The following NR2C2 variants were observed in gnomAD, a reference collection of about 807,000 sequenced individuals.
The protein encoded by NR2C2 is nuclear receptor subfamily 2 group C member 2.
A neutral mutation model predicts 62.9 loss-of-function variants in NR2C2; 6 were observed. The observed-to-expected ratio is 0.10, with a 90% CI of 0.05 to 0.19. The LOEUF (loss-of-function observed/expected upper bound fraction) is 0.19. NR2C2 is among the 10% of genes least tolerant of loss of function. The pLI is 1.00. For missense variants in NR2C2, 479 were observed against 762.7 expected (o/e 0.63, Z 4.38); for synonymous variants, 272 against 273.8 (o/e 0.99, Z 0.07).
At chr3:15,004,732 C>T in intron 2 of NR2C2, 2 of 1,224,968 alleles carry the variant, frequency 1.6e-6, no homozygotes, top group South Asian at 3.3e-5. Context: ...GTTGATTTCT[C>T]TGTTTTTCTT....
At chr3:14,979,652 TG>T (rs563707880) in intron 1 of NR2C2, among the ~76,000 whole-genome samples, 145 of 151,028 alleles carry the variant, frequency 9.6e-4, no homozygotes, top group Admixed American at 1.8e-3. Flanking sequence ...GTTACAGAGG[TG>T]GGGAACACTC....
chr3:14,999,222 A>G (rs941233943), intron 1 of NR2C2, among the ~76,000 whole-genome samples: 2 of 152,216 alleles, frequency 1.3e-5, no homozygotes, highest in Non-Finnish European at 2.9e-5. Context: ...AGGCTGAAGC[A>G]GGAGAATCAC....
chr3:14,975,517 T>C (rs937737445), intron 1 of NR2C2, among the ~76,000 whole-genome samples: 5 of 152,240 alleles, frequency 3.3e-5, no homozygotes, highest in Admixed American at 2.0e-4. Context: ...GTACGTTACA[T>C]TGATCAGTTT....
chr3:15,008,926 A>G (rs961877113), intron 2 of NR2C2, among the ~76,000 whole-genome samples: 1 of 152,198 alleles, frequency 6.6e-6, no homozygotes, highest in Non-Finnish European at 1.5e-5. Context: ...TGACTATAAT[A>G]AATATGGTAC....
At chr3:15,001,318 G>GTTTTTTTTTTTTTTTTT (rs61017075) in intron 1 of NR2C2, among the ~76,000 whole-genome samples, 3 of 97,484 alleles carry the variant, frequency 3.1e-5, no homozygotes, top group Non-Finnish European at 4.1e-5. Context: ...TTTGTTTTGG[G>GTTTTTTTTTTTTTTTTT]TTTTTTTTTT....
chr3:14,978,044 A>G (rs1418609131), intron 1 of NR2C2, among the ~76,000 whole-genome samples: 1 of 152,128 alleles, frequency 6.6e-6, no homozygotes, highest in Non-Finnish European at 1.5e-5. Context: ...TGGGTGACAC[A>G]AGAAATAAAA....
In NR2C2 at chr3:15,023,187, G is replaced by A. The variant is rs1159953442; in HGVS notation, c.557-13G>A. On this transcript the variant is annotated splice_polypyrimidine_tract_variant and intron_variant, in intron 5 of 13. Transcript: ENST00000425241. The stretch of plus-strand genomic sequence containing the variant: ...TGTTTCTCTAAACACAAATATTTAT[G>A]TTGTGATTTAAGCTGTGCAGAGTGA... 1.2e-6 allele frequency: 2 copies of A among 1,612,664 alleles called. No homozygotes were observed. The highest frequency in any genetic ancestry group is 1.3e-5 in the African/African-American group (1 of 74,836).
At chr3:14,996,570 G>A (rs975914675) in intron 1 of NR2C2, among the ~76,000 whole-genome samples, 1 of 152,102 alleles carries the variant, frequency 6.6e-6, no homozygotes, top group Non-Finnish European at 1.5e-5. Context: ...CTATTAGAGG[G>A]TTTATTTGTT....
rs964710393 is a variant in NR2C2, at chr3:14,952,762, C to G, written c.-40+4856C>G. On this transcript the variant is annotated intron_variant, in intron 1 of 13. Transcript: ENST00000425241. Reference sequence around the variant, plus strand: ...CCAGAGGCTGAGATTCTCTGTCATTCTCTCCCATCCTGCCACTCTTTCCCC... The same window carrying G: ...CCAGAGGCTGAGATTCTCTGTCATTGTCTCCCATCCTGCCACTCTTTCCCC... Among the ~76,000 whole-genome samples, 4 of 151,814 alleles carry G rather than the reference C, an allele frequency of 2.6e-5. No homozygotes were observed. In the East Asian group the frequency reaches 7.8e-4, roughly 30 times the overall value.
intron 1 of NR2C2, among the ~76,000 whole-genome samples, chr3:14,970,693 A>C (rs924818200): frequency 2.0e-5 from 3 of 152,184 alleles, no homozygotes; most frequent in Non-Finnish European, 4.4e-5. Flanking sequence ...TTTTAAGACT[A>C]ATATTCTACT....
At chr3:15,007,462 TA>T (rs1332169430) in intron 2 of NR2C2, among the ~76,000 whole-genome samples, 1 of 152,210 alleles carries the variant, frequency 6.6e-6, no homozygotes, top group Non-Finnish European at 1.5e-5. Context: ...GTACTTTTGT[TA>T]TTCAGGGTTA....
chr3:15,035,899 G>C (rs985855318), intron 11 of NR2C2, among the ~76,000 whole-genome samples: 2 of 152,190 alleles, frequency 1.3e-5, no homozygotes, highest in Non-Finnish European at 2.9e-5. Flanking sequence ...GTGATGGTGG[G>C]CATCTGTAAT....
At chr3:15,008,863 A>G (rs997946461) in intron 2 of NR2C2, among the ~76,000 whole-genome samples, 1 of 152,258 alleles carries the variant, frequency 6.6e-6, no homozygotes, top group Non-Finnish European at 1.5e-5. Context: ...TCAGTAACGT[A>G]TTAAAAAACA....
chr3:14,975,595 AT>A (rs749789067), intron 1 of NR2C2, among the ~76,000 whole-genome samples: 17 of 152,170 alleles, frequency 1.1e-4, no homozygotes, highest in Non-Finnish European at 2.2e-4. Context: ...ATTTTTTAAT[AT>A]GCTGCTGAAT....
chr3:15,030,687 G>T (rs1237592239), intron 9 of NR2C2, among the ~76,000 whole-genome samples: 1 of 152,098 alleles, frequency 6.6e-6, no homozygotes, highest in Non-Finnish European at 1.5e-5. Context: ...AATTAGTCGG[G>T]CATGGAGGCG....
rs1264647223 is a variant in NR2C2, at chr3:15,046,229, G to A, written c.*3221G>A. The A allele has an allele frequency of 6.6e-6, 1 of 152,132 alleles. No homozygotes were observed. Among genetic ancestry groups the A allele is most frequent in the African/African-American group, 2.4e-5 (1 of 41,420 alleles). The allele number at this position is 152,132 out of a possible 1,614,324, so 9.4% of individuals were successfully genotyped here. A position where few individuals can be genotyped will look rare whatever the true frequency, so the allele number is the denominator to read the frequency against. On this transcript the variant is annotated 3_prime_UTR_variant, in exon 14 of 14. Transcript: ENST00000425241. ...TTCTGGGCTTTATATTTAATTTCAG[G>A]TGTAGTCACTTCTAAGATGTGTAAT...
chr3:14,996,330 T>C (rs1339426178), intron 1 of NR2C2, among the ~76,000 whole-genome samples: 1 of 152,230 alleles, frequency 6.6e-6, no homozygotes, highest in African/African-American at 2.4e-5. Context: ...ACAAAGAATT[T>C]TCTGTTTGAG....
At chr3:14,976,535 C>G (rs982901106) in intron 1 of NR2C2, among the ~76,000 whole-genome samples, 34 of 151,260 alleles carry the variant, frequency 2.2e-4, no homozygotes, top group Admixed American at 2.2e-3. Flanking sequence ...TTACTGTGCA[C>G]AGCTGTCATC....
intron 1 of NR2C2, among the ~76,000 whole-genome samples, chr3:14,971,476 C>A (rs983866739): frequency 5.9e-5 from 9 of 151,628 alleles, no homozygotes; most frequent in African/African-American, 2.2e-4. Context: ...CAGGACATAA[C>A]CTCATCATAA....
Sources: gnomAD v4.1 joint callset for allele counts (sites outside exome capture counted in the v4.1 genomes callset) on GRCh38, gnomAD v4.1.1 for gene constraint, MANE v1.5 for transcripts, NCBI Gene and HGNC (gene_info 2026-07-23, HGNC 2026-07-21) for gene names.